GRAMD1C: variants seen among roughly 807,000 people sequenced by gnomAD.
GRAMD1C encodes the protein GRAM domain containing 1C, also known as protein Aster-C.
Under a neutral mutation model 97.8 loss-of-function variants are expected in GRAMD1C, and 89 were observed. That is an observed-to-expected ratio of 0.91 (90% CI 0.77 to 1.09). The LOEUF (loss-of-function observed/expected upper bound fraction) is 1.09, where lower values mean the gene tolerates loss of function less well. GRAMD1C is among the 50% of genes least tolerant of loss of function. The probability of loss-of-function intolerance (pLI) is 0.00; values close to 1 mark genes in which losing one functional copy is unlikely to be tolerated. For missense variants in GRAMD1C, 740 were observed against 766.4 expected (o/e 0.97, Z 0.41); for synonymous variants, 256 against 267.0 (o/e 0.96, Z 0.40).
intron 8 of GRAMD1C, among the ~76,000 whole-genome samples, chr3:113,904,896 A>G (rs1453818576): frequency 1.3e-5 from 2 of 152,076 alleles, no homozygotes; most frequent in Admixed American, 6.6e-5. Flanking sequence ...GTGCAATGGC[A>G]TGATCTCGGC....
At position 113,844,584 on chromosome 3, in the gene GRAMD1C, A is replaced by G. The variant is rs1933528979; in HGVS notation, c.109A>G (p.Asn37Asp). The G allele has an allele frequency of 2.5e-6, 4 of 1,604,914 alleles. No homozygotes were observed. Among genetic ancestry groups the G allele is most frequent in the African/African-American group, 2.7e-5 (2 of 74,760 alleles). ...AAATCCTAGTCCAACTGTGGAAGAG[A>G]ATAATGTGGTAGTTAAAAAACAGGG... ...EENPSPTVEE[N>D]NVVVKKQGPN... Residue 37 changes from asparagine to aspartate, a missense_variant, in exon 2 of 18, where the codon AAT becomes GAT. By Grantham distance (23) the Asn-to-Asp change is conservative. Coordinates refer to ENST00000358160, the MANE Select transcript of GRAMD1C (RefSeq NM_017577.5).
At chr3:113,868,284 C>T (rs145750311) in intron 2 of GRAMD1C, among the ~76,000 whole-genome samples, 1 of 151,986 alleles carries the variant, frequency 6.6e-6, no homozygotes, top group East Asian at 1.9e-4. Flanking sequence ...GTCTGGGGAC[C>T]CTCAAAGGCT....
chr3:113,942,258 C>T (rs1459383964), intron 17 of GRAMD1C, among the ~76,000 whole-genome samples: 5 of 151,130 alleles, frequency 3.3e-5, no homozygotes, highest in African/African-American at 1.2e-4. Context: ...CTTTATCTCT[C>T]TGAAGATATT....
At chr3:113,845,809 T>G (rs1177493158) in intron 2 of GRAMD1C, among the ~76,000 whole-genome samples, 4 of 152,218 alleles carry the variant, frequency 2.6e-5, no homozygotes, top group Non-Finnish European at 5.9e-5. Flanking sequence ...AAAAGATTCA[T>G]TAACAGGTTA....
At chr3:113,891,112 T>G (rs995318896) in intron 6 of GRAMD1C, 2 of 197,842 alleles carry the variant, frequency 1.0e-5, no homozygotes, top group South Asian at 1.5e-4. Flanking sequence ...CTGTTTCAAG[T>G]GGACACTATA....
intron 10 of GRAMD1C, among the ~76,000 whole-genome samples, chr3:113,924,117 G>A (rs563402925): frequency 2.1e-5 from 3 of 144,006 alleles, no homozygotes; most frequent in South Asian, 2.2e-4. Context: ...CTGTGGGGTC[G>A]GTGGTAATGT....
chr3:113,893,171 A>G (rs1323142331), intron 6 of GRAMD1C, among the ~76,000 whole-genome samples: 4 of 152,164 alleles, frequency 2.6e-5, no homozygotes, highest in African/African-American at 7.2e-5. Flanking sequence ...CCCTTTACAG[A>G]AACAGTTTGT....
chr3:113,858,394 A>ACGTT (rs1934234937), intron 2 of GRAMD1C, among the ~76,000 whole-genome samples: 1 of 109,360 alleles, frequency 9.1e-6, no homozygotes, highest in Non-Finnish European at 1.7e-5. Context: ...TCCCAGCTAC[A>ACGTT]TTTTTTTTTT....
At chr3:113,875,444 AT>A (rs1390689533) in intron 3 of GRAMD1C, 39 bp from the exon 4 acceptor site, 7 of 868,482 alleles carry the variant, frequency 8.1e-6, no homozygotes, top group Admixed American at 3.6e-5. Flanking sequence ...AATTTCTCAG[AT>A]TTTCGTGAAT....
intron 8 of GRAMD1C, among the ~76,000 whole-genome samples, chr3:113,906,621 A>C (rs1936383043): frequency 6.6e-6 from 1 of 151,978 alleles, no homozygotes; most frequent in Admixed American, 6.6e-5. Flanking sequence ...ATGTTACAGT[A>C]AGCTAAGCTT....
chr3:113,851,522 C>CTT (rs35669503), intron 2 of GRAMD1C, among the ~76,000 whole-genome samples: 1,842 of 133,588 alleles, frequency 0.014, 43 homozygotes, highest in African/African-American at 0.045. Context: ...TTCTTTCTTT[C>CTT]TTTTTTTTTT....
chr3:113,945,791 C>T lies in GRAMD1C; in HGVS notation c.*313C>T, dbSNP rs1938042877. ...CACCCTGAATTGAGTGGTATGGTCT[C>T]ATTTCTACAGTGAAGTCTGATGCTT... On this transcript the variant is annotated 3_prime_UTR_variant, in exon 18 of 18. Transcript: ENST00000358160. 3.9e-6 allele frequency: 1 copy of T among 258,222 alleles called. No homozygotes were observed. The highest frequency in any genetic ancestry group is 7.3e-6 in the Non-Finnish European group (1 of 136,302). The allele number at this position is 258,222 out of a possible 1,614,324, so 16.0% of individuals were successfully genotyped here.
rs1272122848 is a variant in GRAMD1C, at chr3:113,938,139, AT to A, written c.1691del (p.Phe564LeufsTer5). 1.4e-6 allele frequency: 2 copies of A among 1,469,070 alleles called. No homozygotes were observed. Among genetic ancestry groups the A allele is most frequent in the East Asian group, 2.3e-5 (1 of 42,928 alleles). 91.0% of individuals were successfully genotyped at this position (1,469,070 alleles called of 1,614,324 possible). Reference protein sequence around the residue: ...YNVTLIVVMSIFVLLLVLLNV... With the variant: ...YNVTLIVVMSXFVLLLVLLNV... ...CGTCACTCTTATTGTGGTAATGAGTATTTTGTAAGTATTTGTTGTGAATGCT... is the reference window on the plus strand; with the variant it reads ...CGTCACTCTTATTGTGGTAATGAGTATTTGTAAGTATTTGTTGTGAATGCT... On this transcript the variant is annotated frameshift_variant, in exon 15 of 18. Coordinates refer to ENST00000358160, the MANE Select transcript of GRAMD1C (RefSeq NM_017577.5). LOFTEE classifies it high-confidence loss of function.
chr3:113,919,477 T>A (rs550198700), intron 10 of GRAMD1C: 1 of 523,684 alleles, frequency 1.9e-6, no homozygotes, highest in African/African-American at 1.9e-5. Flanking sequence ...GTAATGCTCA[T>A]GAATTTATAA....
At chr3:113,912,712 C>T (rs778488134) in intron 9 of GRAMD1C, among the ~76,000 whole-genome samples, 14 of 149,838 alleles carry the variant, frequency 9.3e-5, no homozygotes, top group Admixed American at 2.7e-4. Context: ...CTAGCCTGGG[C>T]GACAAAAGAG....
intron 7 of GRAMD1C, among the ~76,000 whole-genome samples, chr3:113,901,968 G>C (rs1258856503): frequency 8.1e-6 from 1 of 123,038 alleles, no homozygotes; most frequent in East Asian, 2.5e-4. Context: ...GATAGGAAGG[G>C]AGAATGGGGA....
chr3:113,929,881 A>G (rs1475602047), intron 10 of GRAMD1C, among the ~76,000 whole-genome samples: 1 of 152,194 alleles, frequency 6.6e-6, no homozygotes, highest in Non-Finnish European at 1.5e-5. Context: ...AAAGGCTCCT[A>G]TGCTTTAGGA....
intron 10 of GRAMD1C, among the ~76,000 whole-genome samples, chr3:113,926,712 T>C (rs1937240035): frequency 6.6e-6 from 1 of 152,110 alleles, no homozygotes; most frequent in Non-Finnish European, 1.5e-5. Context: ...GGGGGTTTGA[T>C]TGTGGAATAA....
rs551319228 is a variant in GRAMD1C, at chr3:113,932,194, T to C, written c.1210-1317T>C. On this transcript the variant is annotated intron_variant, in intron 11 of 17. Transcript: ENST00000358160. ...AATAGTCTGAAAACATCTCTTAACA[T>C]CTGAACTAGTTGTGCTTATAAGAGC... Among the ~76,000 whole-genome samples, 415 of 152,346 alleles carry C rather than the reference T, an allele frequency of 2.7e-3. 5 individuals are homozygous for C. Among genetic ancestry groups the C allele is most frequent in the African/African-American group, 9.6e-3 (400 of 41,578 alleles).
Sources: allele counts gnomAD v4.1 joint callset (sites outside exome capture counted in the v4.1 genomes callset), GRCh38; gene constraint gnomAD v4.1.1; transcripts MANE v1.5; gene names NCBI Gene and HGNC (gene_info 2026-07-23, HGNC 2026-07-21).